The following IMMP2L variants were observed in gnomAD, a reference collection of about 807,000 sequenced individuals.
The protein encoded by IMMP2L is mitochondrial inner membrane protease subunit 2.
A neutral mutation model predicts 19.3 loss-of-function variants in IMMP2L; 18 were observed. The ratio of observed to expected loss-of-function variants is 0.93; its 90% CI spans 0.64 to 1.38. IMMP2L has a LOEUF of 1.38. Among genes scored for constraint, IMMP2L ranks in the 40% most tolerant of loss-of-function variants. The probability of loss-of-function intolerance (pLI) is 0.00; values close to 1 mark genes in which losing one functional copy is unlikely to be tolerated. For missense variants in IMMP2L, 233 were observed against 218.2 expected, an observed-to-expected ratio of 1.07 and a Z score of -0.43; for synonymous variants, 76 against 73.0, an observed-to-expected ratio of 1.04 and a Z score of -0.21.
At chr7:111,486,151 C>T (rs1842637430) in intron 3 of IMMP2L, among the ~76,000 whole-genome samples, 1 of 152,092 alleles carries the variant, frequency 6.6e-6, no homozygotes, top group South Asian at 2.1e-4. Context: ...ATTTAATCCC[C>T]CTCCTTGGAT....
chr7:110,849,152 C>A (rs1225050583), intron 5 of IMMP2L, among the ~76,000 whole-genome samples: 3 of 151,986 alleles, frequency 2.0e-5, no homozygotes, highest in Admixed American at 2.0e-4. Context: ...GTGGGAGAAG[C>A]TGGGGTATGT....
intron 3 of IMMP2L, among the ~76,000 whole-genome samples, chr7:111,461,373 CA>C (rs916100186): frequency 1.3e-5 from 2 of 151,054 alleles, no homozygotes; most frequent in East Asian, 3.9e-4. Context: ...AAATTAAAAG[CA>C]AAAAAAATCA....
At chr7:111,034,530 A>G (rs1450144698) in intron 3 of IMMP2L, among the ~76,000 whole-genome samples, 1 of 152,064 alleles carries the variant, frequency 6.6e-6, no homozygotes, top group African/African-American at 2.4e-5. Flanking sequence ...ATATTTATCT[A>G]TTCATCCATT....
chr7:111,483,573 G>T (rs902320916), intron 3 of IMMP2L: 1 of 152,036 alleles, frequency 6.6e-6, no homozygotes, highest in African/African-American at 2.4e-5. Context: ...CAGAAAGAAA[G>T]AGACAGTGAA....
At chr7:111,094,681 C>A (rs1206649729) in intron 3 of IMMP2L, among the ~76,000 whole-genome samples, 4 of 152,138 alleles carry the variant, frequency 2.6e-5, no homozygotes, top group Non-Finnish European at 5.9e-5. Flanking sequence ...AGCTCCTGCA[C>A]AGAGCTCAGG....
chr7:111,099,677 C>G lies in IMMP2L; in HGVS notation c.240-136112G>C, dbSNP rs193215544. ...AGTTTAGAGAGCTCACATCAACATA[C>G]ATTTTCTATTCAAAATGAAGTTTTT... On this transcript the variant is annotated intron_variant, in intron 3 of 5. Transcript: ENST00000405709. Among the ~76,000 whole-genome samples, 10 of 151,436 alleles carry G rather than the reference C, an allele frequency of 6.6e-5. No individual in the cohort carries two copies. In the East Asian group the frequency reaches 1.7e-3, roughly 26 times the overall value.
At chr7:111,537,264 G>C (rs1847967163) in intron 1 of IMMP2L, among the ~76,000 whole-genome samples, 1 of 152,080 alleles carries the variant, frequency 6.6e-6, no homozygotes, top group Non-Finnish European at 1.5e-5. Context: ...AATTGGGGAT[G>C]TTATGGAAAG....
chr7:111,553,396 G>GT (rs751894657), intron 1 of IMMP2L, among the ~76,000 whole-genome samples: 12 of 152,144 alleles, frequency 7.9e-5, no homozygotes, highest in Non-Finnish European at 1.2e-4. Flanking sequence ...CAGAGACACA[G>GT]TATATGTCCC....
intron 5 of IMMP2L, among the ~76,000 whole-genome samples, chr7:110,817,944 C>A (rs375036789): frequency 3.3e-5 from 5 of 152,078 alleles, no homozygotes; most frequent in South Asian, 2.1e-4. Flanking sequence ...CTTCCTTACA[C>A]CTTATACAAA....
intron 3 of IMMP2L, among the ~76,000 whole-genome samples, chr7:111,304,670 A>ATGTGTGTGTGTGTGTGTGTGTG (rs147788856): frequency 1.6e-5 from 2 of 126,010 alleles, no homozygotes; most frequent in South Asian, 2.9e-4. Flanking sequence ...CACATATATA[A>ATGTGTGTGTGTGTGTGTGTGTG]TGTGTGTGTG....
chr7:110,886,772 GTGAA>G, intron 4 of IMMP2L, 77 bp from the exon 5 acceptor site: 6 of 697,076 alleles, frequency 8.6e-6, no homozygotes, highest in Non-Finnish European at 1.6e-5. Context: ...CTTAGGAATG[GTGAA>G]AATATTATAT....
At chr7:111,258,753 G>A (rs1018050642) in intron 3 of IMMP2L, among the ~76,000 whole-genome samples, 6 of 152,146 alleles carry the variant, frequency 3.9e-5, no homozygotes, top group Admixed American at 6.6e-5. Flanking sequence ...CGATCTGCCC[G>A]CCTTGACTTC....
At chr7:111,450,484 G>T (rs1042822756) in intron 3 of IMMP2L, among the ~76,000 whole-genome samples, 18 of 151,808 alleles carry the variant, frequency 1.2e-4, no homozygotes, top group Non-Finnish European at 2.2e-4. Context: ...AATAAACGGT[G>T]CTGGGAAAAC....
chr7:111,383,418 C>A (rs1210369344), intron 3 of IMMP2L, among the ~76,000 whole-genome samples: 3 of 152,078 alleles, frequency 2.0e-5, no homozygotes, highest in Admixed American at 1.3e-4. Context: ...AATCTCTTGG[C>A]CTGCCCATCC....
chr7:111,520,299 A>G (rs1272407944), intron 2 of IMMP2L, among the ~76,000 whole-genome samples: 1 of 152,056 alleles, frequency 6.6e-6, no homozygotes, highest in Non-Finnish European at 1.5e-5. Flanking sequence ...TCTGCCCAAG[A>G]AAAGGCCCTA....
chr7:111,382,364 C>G (rs1337681862), intron 3 of IMMP2L, among the ~76,000 whole-genome samples: 1 of 150,992 alleles, frequency 6.6e-6, no homozygotes, highest in Non-Finnish European at 1.5e-5. Context: ...GAAAAAAAAT[C>G]AAAAAGTATT....
intron 5 of IMMP2L, among the ~76,000 whole-genome samples, chr7:110,781,433 A>C (rs568251632): frequency 2.0e-5 from 3 of 151,890 alleles, no homozygotes; most frequent in Non-Finnish European, 4.4e-5. Context: ...AGAATATTAA[A>C]ATATATTCTC....
chr7:110,935,152 G>T (rs1815957972), intron 4 of IMMP2L, among the ~76,000 whole-genome samples: 1 of 152,090 alleles, frequency 6.6e-6, no homozygotes, highest in South Asian at 2.1e-4. Flanking sequence ...TCCTTTACAT[G>T]TTTAGTGCTT....
At chr7:110,906,592 A>G (rs1812475904) in intron 4 of IMMP2L, among the ~76,000 whole-genome samples, 1 of 152,172 alleles carries the variant, frequency 6.6e-6, no homozygotes, top group African/African-American at 2.4e-5. Context: ...GCGCTTCGGA[A>G]CACAGACTCT....
Sources: gnomAD v4.1 joint callset for allele counts (sites outside exome capture counted in the v4.1 genomes callset) on GRCh38, gnomAD v4.1.1 for gene constraint, MANE v1.5 for transcripts, NCBI Gene and HGNC (gene_info 2026-07-23, HGNC 2026-07-21) for gene names.